AGTPBP1: variants seen among roughly 807,000 people sequenced by gnomAD.
AGTPBP1 encodes cytosolic carboxypeptidase 1.
AGTPBP1 carries 70 observed loss-of-function variants against 143.9 expected under a neutral mutation model. The ratio of observed to expected loss-of-function variants is 0.49; its 90% CI spans 0.40 to 0.59. The LOEUF (loss-of-function observed/expected upper bound fraction) is 0.59. Among genes scored for constraint, AGTPBP1 ranks in the 20% least tolerant of loss-of-function variants. The pLI, the probability that AGTPBP1 is intolerant of heterozygous loss-of-function variation, is 0.00. For synonymous variants in AGTPBP1, 463 were observed against 500.2 expected, an observed-to-expected ratio of 0.93 and a Z score of 0.99; for missense variants, 1,229 against 1,464.5, an observed-to-expected ratio of 0.84 and a Z score of 2.62.
chr9:85,681,232 T>C, intron 4 of AGTPBP1, 36 bp downstream of exon 4: 1 of 1,589,418 alleles, frequency 6.3e-7, no homozygotes, highest in Non-Finnish European at 8.6e-7. Flanking sequence ...TGCTTGGCAT[T>C]AGTAGTTACA....
chr9:85,556,512 A>G (rs1264033656), intron 25 of AGTPBP1, among the ~76,000 whole-genome samples: 1 of 152,206 alleles, frequency 6.6e-6, no homozygotes, highest in Non-Finnish European at 1.5e-5. Context: ...ATGGAAATGG[A>G]GTAAATACTC....
the AGTPBP1 span, among the ~76,000 whole-genome samples, chr9:85,781,534 G>A: frequency 6.6e-6 from 1 of 152,196 alleles, no homozygotes; most frequent in Non-Finnish European, 1.5e-5. Context: ...CACATGAGAA[G>A]TGAATGAACA....
intron 14 of AGTPBP1, among the ~76,000 whole-genome samples, chr9:85,624,838 T>C (rs1258547963): frequency 2.6e-5 from 4 of 152,240 alleles, no homozygotes; most frequent in Admixed American, 2.0e-4. Context: ...CAGATTTTAC[T>C]TGATGAAAAC....
At chr9:85,568,031 G>A (rs1827218864) in intron 25 of AGTPBP1, among the ~76,000 whole-genome samples, 1 of 152,134 alleles carries the variant, frequency 6.6e-6, no homozygotes, top group Non-Finnish European at 1.5e-5. Context: ...TAAAGAAGTG[G>A]AGGCACAGAC....
chr9:85,774,020 G>A, the AGTPBP1 span: 8 of 1,603,414 alleles, frequency 5.0e-6, no homozygotes, highest in Non-Finnish European at 6.8e-6. Context: ...TGCAGTTGCT[G>A]TTACATCATT....
At position 85,578,950 on chromosome 9, in the gene AGTPBP1, A is replaced by G. The variant is rs1391469169; in HGVS notation, c.3312T>C (p.Thr1104=). The G allele has an allele frequency of 6.2e-7, 1 of 1,613,422 alleles. No individual in the cohort carries two copies. The highest frequency in any genetic ancestry group is 8.5e-7 in the Non-Finnish European group (1 of 1,179,802). The change falls in exon 24 of 26, where the codon ACT becomes ACC. Residue 1104 remains threonine (T), a synonymous_variant. Transcript: ENST00000357081. ...ATTTTCCCTGATCACAGCCACATAA[A>G]GTACTCTCCATGGTATAACTTCTTT... ...GVQRSYTMES[T]LCGCDQGKYK...
At chr9:85,719,648 C>T (rs1432192039) in intron 1 of AGTPBP1, among the ~76,000 whole-genome samples, 1 of 152,158 alleles carries the variant, frequency 6.6e-6, no homozygotes, top group African/African-American at 2.4e-5. Context: ...TGAATACCCA[C>T]TATTTCTTTC....
At chr9:85,804,388 G>T in the AGTPBP1 span, among the ~76,000 whole-genome samples, 2 of 152,142 alleles carry the variant, frequency 1.3e-5, no homozygotes, top group Non-Finnish European at 2.9e-5. Context: ...ACTCCTTCAT[G>T]CTGCGTTTCT....
rs796786669 is a variant in AGTPBP1, at chr9:85,546,854, GT to G, written c.*254del. 352 of 267,878 alleles carry G rather than the reference GT, an allele frequency of 1.3e-3. No individual in the cohort carries two copies. Among genetic ancestry groups the G allele is most frequent in the Middle Eastern group, 3.3e-3 (3 of 900 alleles). 16.6% of individuals were successfully genotyped at this position (267,878 alleles called of 1,614,324 possible). ...TAAAAATTCATGCAATGATACTCAG[GT>G]TTTTTTTTTAAAGGTAAATCCAATA... On this transcript the variant is annotated 3_prime_UTR_variant, in exon 26 of 26. Transcript: ENST00000357081.
At chr9:85,611,363 T>C (rs898255175) in intron 17 of AGTPBP1, among the ~76,000 whole-genome samples, 3 of 150,710 alleles carry the variant, frequency 2.0e-5, no homozygotes, top group African/African-American at 7.3e-5. Flanking sequence ...CTCTTATTTA[T>C]GAAAAAAAAA....
chr9:85,737,627 T>A (rs1823888391), intron 1 of AGTPBP1, among the ~76,000 whole-genome samples: 2 of 152,210 alleles, frequency 1.3e-5, no homozygotes, highest in African/African-American at 4.8e-5. Context: ...ATTTGGAAGA[T>A]CTGCATAACA....
At chr9:85,666,472 A>G (rs1328080710) in intron 8 of AGTPBP1, among the ~76,000 whole-genome samples, 2 of 152,138 alleles carry the variant, frequency 1.3e-5, no homozygotes, top group African/African-American at 2.4e-5. Flanking sequence ...ACTAAAAATG[A>G]TAAGAGATCA....
rs116761375 is a variant in AGTPBP1, at chr9:85,741,129, C to G, written c.-34+646G>C. Reference sequence around the variant, plus strand: ...CAGGAAGGAAGACACTAAGGAAACTCTGCACTGTCATCCAGGGTGATCTGA... The same window carrying G: ...CAGGAAGGAAGACACTAAGGAAACTGTGCACTGTCATCCAGGGTGATCTGA... On this transcript the variant is annotated intron_variant, in intron 1 of 25. Coordinates refer to ENST00000357081, the MANE Select transcript of AGTPBP1 (RefSeq NM_001330701.2). The G allele has an allele frequency of 6.2e-4, 488 of 786,362 alleles. 2 individuals are homozygous for G. The African/African-American group carries it at 8.7e-3, about 14-fold the overall frequency. The allele number at this position is 786,362 out of a possible 1,614,324, so 48.7% of individuals were successfully genotyped here.
chr9:85,736,859 T>G (rs1384950724), intron 1 of AGTPBP1, among the ~76,000 whole-genome samples: 1 of 152,140 alleles, frequency 6.6e-6, no homozygotes, highest in African/African-American at 2.4e-5. Flanking sequence ...CTAATCCCAG[T>G]ACTTTGGGAG....
Position 85,725,932 on chromosome 9 carries a change from C to G in AGTPBP1, c.-33-13366G>C, listed in dbSNP as rs575104966. On this transcript the variant is annotated intron_variant, in intron 1 of 25. Transcript: ENST00000357081. ...GGCGTGGTGGCACACGCCTGTAATC[C>G]CAGCTACTCAGGAGGCTGAGGCAGG... is the stretch of plus-strand genomic sequence containing the variant. 1.2e-4 allele frequency among the ~76,000 whole-genome samples: 18 copies of G among 151,806 alleles called. No homozygotes were observed. In the South Asian group the frequency reaches 3.5e-3, roughly 30 times the overall value.
rs75080081 is a variant in AGTPBP1, at chr9:85,625,913, T to G, written c.2016-4628A>C. On this transcript the variant is annotated intron_variant, in intron 14 of 25. Transcript: ENST00000357081. ...AAAAAAACCTAGTTTTGTTTTTTTT[T>G]TTTTTTTTTTTAGGATATATGAAAA... Among the ~76,000 whole-genome samples, 383 of 148,918 alleles carry G rather than the reference T, an allele frequency of 2.6e-3. 4 individuals are homozygous for G. Among genetic ancestry groups the G allele is most frequent in the African/African-American group, 8.9e-3 (364 of 40,964 alleles).
chr9:85,677,936 A>C (rs1261402905), intron 5 of AGTPBP1, among the ~76,000 whole-genome samples: 3 of 152,192 alleles, frequency 2.0e-5, no homozygotes, highest in Non-Finnish European at 4.4e-5. Flanking sequence ...CCTAGGAGGC[A>C]GAGGTGGCAG....
At chr9:85,769,172 T>G in the AGTPBP1 span, among the ~76,000 whole-genome samples, 3 of 152,224 alleles carry the variant, frequency 2.0e-5, no homozygotes, top group Admixed American at 2.0e-4. Flanking sequence ...CTCTTCTTTC[T>G]TCATTAAGTC....
chr9:85,774,838 T>G, the AGTPBP1 span, among the ~76,000 whole-genome samples: 1 of 152,228 alleles, frequency 6.6e-6, no homozygotes, highest in Non-Finnish European at 1.5e-5. Context: ...ATTCTGTCAC[T>G]GGTTAATTAG....
Sources: allele counts gnomAD v4.1 joint callset (sites outside exome capture counted in the v4.1 genomes callset), GRCh38; gene constraint gnomAD v4.1.1; transcripts MANE v1.5; gene names NCBI Gene and HGNC (gene_info 2026-07-23, HGNC 2026-07-21).